The following TMCC1 variants were observed in gnomAD, a reference collection of about 807,000 sequenced individuals.
TMCC1 encodes transmembrane and coiled-coil domain family 1.
In TMCC1, 15 loss-of-function variants were observed where a neutral mutation model predicts 52.4. The observed-to-expected ratio is 0.29, with a 90% CI of 0.19 to 0.44. The LOEUF (loss-of-function observed/expected upper bound fraction) is 0.44, where lower values mean the gene tolerates loss of function less well. Ranked by LOEUF, TMCC1 falls within the 20% of genes least tolerant of loss-of-function variation. The pLI is 1.00. For missense variants in TMCC1, 503 were observed against 806.0 expected, an observed-to-expected ratio of 0.62 and a Z score of 4.55; for synonymous variants, 279 against 301.9, an observed-to-expected ratio of 0.92 and a Z score of 0.79.
At chr3:129,679,596 G>A (rs561853544) in intron 4 of TMCC1, among the ~76,000 whole-genome samples, 171 of 152,258 alleles carry the variant, frequency 1.1e-3, no homozygotes, top group South Asian at 5.8e-3. Context: ...GAGCCATCAC[G>A]CCTGGCCTGC....
At chr3:129,690,060 A>G (rs2089678970) in intron 4 of TMCC1, among the ~76,000 whole-genome samples, 1 of 152,226 alleles carries the variant, frequency 6.6e-6, no homozygotes, top group Non-Finnish European at 1.5e-5. Context: ...CAGAAAAGAA[A>G]GCAAAAACTA....
At chr3:129,714,393 T>C (rs1026066664) in intron 4 of TMCC1, among the ~76,000 whole-genome samples, 1 of 152,208 alleles carries the variant, frequency 6.6e-6, no homozygotes. Flanking sequence ...ATCAAACTTT[T>C]GTATTTTGAT....
chr3:129,667,640 T>A (rs2087576133), intron 5 of TMCC1, among the ~76,000 whole-genome samples: 1 of 152,314 alleles, frequency 6.6e-6, no homozygotes, highest in South Asian at 2.1e-4. Flanking sequence ...CAAAGTGCAA[T>A]GAAAGAAATG....
At chr3:129,866,769 C>T (rs1376074021) in intron 2 of TMCC1, among the ~76,000 whole-genome samples, 1 of 152,038 alleles carries the variant, frequency 6.6e-6, no homozygotes, top group Non-Finnish European at 1.5e-5. Context: ...CATTATTTAC[C>T]ATAAAGATAC....
intron 4 of TMCC1, among the ~76,000 whole-genome samples, chr3:129,756,447 C>T (rs2053018752): frequency 6.6e-6 from 1 of 152,034 alleles, no homozygotes. Context: ...CAGAATTTCG[C>T]TCTGTTGCCA....
chr3:129,784,372 AT>A (rs1463021624), intron 4 of TMCC1, among the ~76,000 whole-genome samples: 1 of 150,732 alleles, frequency 6.6e-6, no homozygotes. Context: ...AGGTCAGGAA[AT>A]CGAGACCACA....
chr3:129,750,310 C>T (rs1341976606), intron 4 of TMCC1, among the ~76,000 whole-genome samples: 2 of 152,180 alleles, frequency 1.3e-5, no homozygotes, highest in South Asian at 2.1e-4. Flanking sequence ...CCTGCCTCAG[C>T]CTCCTGAGTA....
chr3:129,738,973 C>T (rs950810392), intron 4 of TMCC1, among the ~76,000 whole-genome samples: 1 of 152,052 alleles, frequency 6.6e-6, no homozygotes, highest in South Asian at 2.1e-4. Context: ...CGCGCCACCA[C>T]GCCCAGCTAA....
At chr3:129,873,102 T>C (rs1186581982) in intron 2 of TMCC1, among the ~76,000 whole-genome samples, 2 of 152,056 alleles carry the variant, frequency 1.3e-5, no homozygotes, top group Non-Finnish European at 2.9e-5. Context: ...GGTTTTGCCA[T>C]GTTGGCCAGG....
intron 4 of TMCC1, among the ~76,000 whole-genome samples, chr3:129,718,692 C>T (rs978853747): frequency 2.6e-5 from 4 of 152,146 alleles, no homozygotes; most frequent in African/African-American, 7.2e-5. Flanking sequence ...AAATACAGTA[C>T]TGTAAATGTA....
In TMCC1 at chr3:129,671,191, T is replaced by C. The variant is rs2087905431; in HGVS notation, c.650A>G (p.His217Arg). The C allele has an allele frequency of 6.2e-7, 1 of 1,614,048 alleles. No homozygotes were observed. The highest frequency in any genetic ancestry group is 1.3e-5 in the African/African-American group (1 of 74,914). The change falls in exon 5 of 7, where the codon CAC (histidine) becomes CGC (arginine). Residue 217 changes from histidine to arginine, a missense_variant. Around this residue, in one of 7 missense-constraint regions of TMCC1, gnomAD observed 217 missense variants for 297.9 expected, o/e 0.73. Transcript: ENST00000393238. ...AVASSTDGSIHTDSVDGTPDP... is the reference protein window; with the variant it reads ...AVASSTDGSIRTDSVDGTPDP... ...TGGTGTTCCATCCACAGAGTCTGTGTGGATGCTGCCATCGGTACTGGAGGC... is the reference window on the plus strand; with the variant it reads ...TGGTGTTCCATCCACAGAGTCTGTGCGGATGCTGCCATCGGTACTGGAGGC...
chr3:129,710,994 G>T (rs1200939149), intron 4 of TMCC1, among the ~76,000 whole-genome samples: 1 of 152,188 alleles, frequency 6.6e-6, no homozygotes, highest in Non-Finnish European at 1.5e-5. Context: ...CTCCAGAGTA[G>T]CTGGGATTAC....
At chr3:129,827,324 G>A (rs545606085) in intron 4 of TMCC1, among the ~76,000 whole-genome samples, 18 of 152,276 alleles carry the variant, frequency 1.2e-4, no homozygotes, top group African/African-American at 4.1e-4. Context: ...ACTGTGGCAT[G>A]CAAAATGTAA....
intron 4 of TMCC1, among the ~76,000 whole-genome samples, chr3:129,784,360 C>T (rs1053618606): frequency 2.0e-5 from 3 of 150,014 alleles, no homozygotes; most frequent in Non-Finnish European, 3.0e-5. Context: ...GGGCGGATCA[C>T]GAGGTCAGGA....
At chr3:129,718,597 AT>A (rs1158139426) in intron 4 of TMCC1, among the ~76,000 whole-genome samples, 3 of 152,308 alleles carry the variant, frequency 2.0e-5, no homozygotes, top group Non-Finnish European at 4.4e-5. Flanking sequence ...GAAAAAGTTG[AT>A]TGCTTGATAT....
At chr3:129,739,381 T>C (rs903022847) in intron 4 of TMCC1, among the ~76,000 whole-genome samples, 2 of 152,086 alleles carry the variant, frequency 1.3e-5, no homozygotes, top group African/African-American at 4.8e-5. Context: ...TTGGCCAGGC[T>C]GTCTCAAACT....
intron 4 of TMCC1, among the ~76,000 whole-genome samples, chr3:129,775,198 A>C (rs2054933123): frequency 6.6e-6 from 1 of 152,144 alleles, no homozygotes; most frequent in African/African-American, 2.4e-5. Context: ...TAATTCCAGC[A>C]CTTTGGGAGG....
rs1470906170 is a variant in TMCC1 at position 129,763,480 on chromosome 3, T to C, written c.576+64323A>G. 2.2e-5 allele frequency among the ~76,000 whole-genome samples: 3 copies of C among 137,126 alleles called. No individual in the cohort carries two copies. In the Admixed American group the frequency reaches 2.4e-4, roughly 11 times the overall value. The allele number at this position is 137,126 out of a possible 152,430, so 90.0% of individuals were successfully genotyped here. A position where few individuals can be genotyped will look rare whatever the true frequency, so the allele number is the denominator to read the frequency against. On this transcript the variant is annotated intron_variant, in intron 4 of 6. Transcript: ENST00000393238. Reference sequence around the variant, plus strand: ...AGAATCGCCTGAACCCAGGAGGTGGTTGCAGTGAGCTAAGATCACACCACT... The same window carrying C: ...AGAATCGCCTGAACCCAGGAGGTGGCTGCAGTGAGCTAAGATCACACCACT...
At chr3:129,831,163 A>T (rs564361134) in intron 3 of TMCC1, among the ~76,000 whole-genome samples, 1 of 152,122 alleles carries the variant, frequency 6.6e-6, no homozygotes, top group Non-Finnish European at 1.5e-5. Context: ...CAAATTCCTG[A>T]CCTCAAGTGA....
Sources: gnomAD v4.1 joint callset for allele counts (sites outside exome capture counted in the v4.1 genomes callset) on GRCh38, gnomAD v4.1.1 for gene constraint, gnomAD v4.1.1 regional missense constraint, MANE v1.5 for transcripts, NCBI Gene and HGNC (gene_info 2026-07-23, HGNC 2026-07-21) for gene names.